Variants in PHIP observed in about 807,000 individuals in gnomAD.
PHIP encodes PH-interacting protein.
Under a neutral mutation model 236.8 loss-of-function variants are expected in PHIP, and 54 were observed. That is an observed-to-expected ratio of 0.23 (90% CI 0.18 to 0.29). The LOEUF is 0.29. Among genes scored for constraint, PHIP ranks in the 10% least tolerant of loss-of-function variants. PHIP has a pLI of 1.00. For missense variants in PHIP, 1,370 were observed against 2,190.8 expected (o/e 0.63, Z 7.48); for synonymous variants, 756 against 718.9 (o/e 1.05, Z -0.83).
chr6:78,969,911 A>G lies in PHIP; in HGVS notation c.3129T>C (p.His1043=). 1 of 1,593,306 alleles carries G rather than the reference A, an allele frequency of 6.3e-7. No individual in the cohort carries two copies. Among genetic ancestry groups the G allele is most frequent in the Non-Finnish European group, 8.6e-7 (1 of 1,165,616 alleles). Residue 1043 remains histidine (H), a synonymous_variant, in exon 27 of 40, where the codon CAT becomes CAC. Transcript: ENST00000275034. ...GGAAATCTATAACGTCAGGCATATC[A>G]TGGTATCTAATTACAAACAGAAACA... ...LTGGSFTMKY[H]DMPDVIDFLV...
intron 9 of PHIP, among the ~76,000 whole-genome samples, chr6:79,023,365 T>C (rs950661442): frequency 2.6e-5 from 4 of 152,182 alleles, no homozygotes; most frequent in Admixed American, 2.6e-4. Context: ...CCCAAAGTCC[T>C]GGGATTAGAT....
chr6:79,041,923 T>C lies in PHIP; in HGVS notation c.600+920A>G, dbSNP rs375201349. Among the ~76,000 whole-genome samples, 7 of 152,152 alleles carry C rather than the reference T, an allele frequency of 4.6e-5. No individual in the cohort carries two copies. In the East Asian group the frequency reaches 7.7e-4, roughly 17 times the overall value. On this transcript the variant is annotated intron_variant, in intron 7 of 39. Transcript: ENST00000275034. ...ATAGAGGAGAAGTAGTAGGTATAAATAGGTCTCAGTTTACAAGCAAATTTA... is the reference window on the plus strand; with the variant it reads ...ATAGAGGAGAAGTAGTAGGTATAAACAGGTCTCAGTTTACAAGCAAATTTA...
chr6:79,078,071 T>C lies in PHIP; in HGVS notation c.-3A>G. Reference sequence around the variant, plus strand: ...AGGCCTTTCCTCTCACAAGACATGTTTATGGGTCACTTCAGGGCCGCCGAC... The same window carrying C: ...AGGCCTTTCCTCTCACAAGACATGTCTATGGGTCACTTCAGGGCCGCCGAC... On this transcript the variant is annotated 5_prime_UTR_variant, in exon 1 of 40. Coordinates refer to ENST00000275034, the MANE Select transcript of PHIP (RefSeq NM_017934.7). 1 of 1,608,370 alleles carries C rather than the reference T, an allele frequency of 6.2e-7. No individual in the cohort carries two copies. The highest frequency in any genetic ancestry group is 8.5e-7 in the Non-Finnish European group (1 of 1,179,042).
intron 7 of PHIP, among the ~76,000 whole-genome samples, chr6:79,035,593 T>A (rs1233282922): frequency 6.6e-6 from 1 of 152,152 alleles, no homozygotes; most frequent in Non-Finnish European, 1.5e-5. Context: ...TCTGGCAGAG[T>A]CAACAAGGAG....
chr6:78,999,144 T>G (rs553562109), intron 17 of PHIP, among the ~76,000 whole-genome samples: 1 of 152,184 alleles, frequency 6.6e-6, no homozygotes, highest in Non-Finnish European at 1.5e-5. Flanking sequence ...GTACAAACGC[T>G]GTGAAGCAGG....
At chr6:79,069,867 A>C (rs1410005356) in intron 4 of PHIP, among the ~76,000 whole-genome samples, 1 of 152,074 alleles carries the variant, frequency 6.6e-6, no homozygotes, top group Admixed American at 6.5e-5. Context: ...AGAATATGTC[A>C]TATTCAGAAT....
At chr6:78,945,196 T>C in intron 39 of PHIP, 104 bp downstream of exon 39, 2 of 848,298 alleles carry the variant, frequency 2.4e-6, no homozygotes, top group Non-Finnish European at 3.9e-6. Context: ...ATGTGTGACT[T>C]TTAAGTGGGC....
chr6:78,967,350 CAT>C (rs1161638709), intron 27 of PHIP, among the ~76,000 whole-genome samples: 1 of 152,136 alleles, frequency 6.6e-6, no homozygotes, highest in Non-Finnish European at 1.5e-5. Context: ...TCACACTAAA[CAT>C]AAAGTTTCAA....
At chr6:78,969,024 T>C (rs1767344376) in intron 27 of PHIP, among the ~76,000 whole-genome samples, 1 of 152,226 alleles carries the variant, frequency 6.6e-6, no homozygotes, top group Non-Finnish European at 1.5e-5. Flanking sequence ...GGGGATTCCA[T>C]TCTTTTCCCT....
Position 78,963,214 on chromosome 6 carries a change from T to C in PHIP, c.3418A>G (p.Thr1140Ala). 6.2e-7 allele frequency: 1 copy of C among 1,608,524 alleles called. No homozygotes were observed. The highest frequency in any genetic ancestry group is 8.5e-7 in the Non-Finnish European group (1 of 1,177,810). ...PEELGTSVPL[T>A]DGECRSLIYK... The stretch of plus-strand genomic sequence containing the variant: ...ATTAGTGATCTGCACTCACCATCAG[T>C]TAAAGGAACACTGGTACCTAGTTCT... Residue 1140 changes from threonine to alanine, a missense_variant, in exon 30 of 40, where the codon ACT (threonine) becomes GCT (alanine). Physicochemically the swap from Thr to Ala is moderately conservative, Grantham distance 58. This residue lies in a region of PHIP where 238 missense variants were observed against 398.5 expected (regional missense o/e 0.60). Coordinates refer to ENST00000275034, the MANE Select transcript of PHIP (RefSeq NM_017934.7).
chr6:79,041,374 G>A (rs1772203365), intron 7 of PHIP, among the ~76,000 whole-genome samples: 1 of 152,008 alleles, frequency 6.6e-6, no homozygotes, highest in African/African-American at 2.4e-5. Flanking sequence ...GAGATTATAT[G>A]TCTAATTAAT....
chr6:79,048,542 T>C (rs1772616637), intron 6 of PHIP, among the ~76,000 whole-genome samples: 1 of 152,044 alleles, frequency 6.6e-6, no homozygotes, highest in Non-Finnish European at 1.5e-5. Context: ...AAGATCTTTG[T>C]AAAATGAACA....
chr6:79,033,124 A>C (rs995080034), intron 7 of PHIP, among the ~76,000 whole-genome samples: 2 of 152,112 alleles, frequency 1.3e-5, no homozygotes, highest in Non-Finnish European at 1.5e-5. Context: ...AAACCACGCT[A>C]TAAAAAGATA....
At chr6:78,951,803 G>A (rs1774168672) in intron 35 of PHIP, among the ~76,000 whole-genome samples, 1 of 152,156 alleles carries the variant, frequency 6.6e-6, no homozygotes, top group African/African-American at 2.4e-5. Flanking sequence ...TTTGCCTATT[G>A]TCTCAGAATA....
intron 19 of PHIP, among the ~76,000 whole-genome samples, chr6:78,993,076 T>C (rs911850658): frequency 4.6e-5 from 7 of 152,228 alleles, no homozygotes; most frequent in African/African-American, 1.2e-4. Flanking sequence ...GAAATAGTTT[T>C]TGCGGTCTGG....
At chr6:78,948,670 A>G (rs975480916) in intron 35 of PHIP, among the ~76,000 whole-genome samples, 1 of 151,944 alleles carries the variant, frequency 6.6e-6, no homozygotes. Context: ...AATTTTTATA[A>G]TTTTTGTAGA....
At chr6:78,995,227 C>A (rs1769531624) in intron 19 of PHIP, among the ~76,000 whole-genome samples, 2 of 152,178 alleles carry the variant, frequency 1.3e-5, no homozygotes, top group South Asian at 4.1e-4. Flanking sequence ...CAGTAGTAGT[C>A]CATGGTGTGA....
chr6:79,043,829 CT>C (rs56960316), intron 6 of PHIP, among the ~76,000 whole-genome samples: 3,396 of 139,006 alleles, frequency 0.024, 112 homozygotes, highest in African/African-American at 0.076. Flanking sequence ...CTAATACAGG[CT>C]TTTTTTTTTT....
chr6:79,020,733 A>C (rs925584830), intron 9 of PHIP, among the ~76,000 whole-genome samples: 6 of 152,246 alleles, frequency 3.9e-5, no homozygotes, highest in Admixed American at 2.0e-4. Flanking sequence ...ACAATAGCGA[A>C]GATTTGTGGG....
Sources: allele counts gnomAD v4.1 joint callset (sites outside exome capture counted in the v4.1 genomes callset), GRCh38; gene constraint gnomAD v4.1.1; regional missense constraint gnomAD v4.1.1; transcripts MANE v1.5; gene names NCBI Gene and HGNC (gene_info 2026-07-23, HGNC 2026-07-21).